The following UBN1 variants were observed in gnomAD, a reference collection of about 807,000 sequenced individuals.
The protein encoded by UBN1 is ubinuclein-1.
UBN1 carries 17 observed loss-of-function variants against 108.5 expected under a neutral mutation model. The observed-to-expected ratio is 0.16, with a 90% CI of 0.11 to 0.24. UBN1 has a LOEUF of 0.24. UBN1 is among the 10% of genes least tolerant of loss of function. The pLI is 1.00. For missense variants in UBN1, 1,595 were observed against 1,394.4 expected, an observed-to-expected ratio of 1.14 and a Z score of -2.29; for synonymous variants, 726 against 564.2, an observed-to-expected ratio of 1.29 and a Z score of -4.07.
Position 4,876,957 on chromosome 16 carries a change from C to T in UBN1, c.3111C>T (p.Ala1037=), listed in dbSNP as rs143113935. The change falls in exon 16 of 18, where the codon GCC becomes GCT. Residue 1037 remains alanine (A), a synonymous_variant. Coordinates refer to ENST00000262376, the MANE Select transcript of UBN1 (RefSeq NM_001079514.3). ...CCAGCAGCCCAAAGCTGTCTGGGGCCATGAGCTCGAACTCCTTGGGAATTA... is the reference window on the plus strand; with the variant it reads ...CCAGCAGCCCAAAGCTGTCTGGGGCTATGAGCTCGAACTCCTTGGGAATTA... ...YKSSSPKLSG[A]MSSNSLGIIT... 2.3e-4 allele frequency: 368 copies of T among 1,614,130 alleles called. 1 individual carries two copies. The highest frequency in any genetic ancestry group is 2.7e-4 in the Non-Finnish European group (314 of 1,180,060).
chr16:4,859,992 T>A (rs779888735), intron 6 of UBN1, 24 bp downstream of exon 6: 1 of 1,613,668 alleles, frequency 6.2e-7, no homozygotes, highest in East Asian at 2.2e-5. Context: ...GCTTCTTTGC[T>A]AGGATAAAGC....
At chr16:4,848,533 G>T (rs1188390453) in intron 1 of UBN1, 1 of 152,222 alleles carries the variant, frequency 6.6e-6, no homozygotes, top group Non-Finnish European at 1.5e-5. Context: ...ATTTCCCCAA[G>T]GCATTGTGGT....
intron 1 of UBN1, among the ~76,000 whole-genome samples, chr16:4,848,752 T>C (rs2086352403): frequency 6.6e-6 from 1 of 152,220 alleles, no homozygotes; most frequent in South Asian, 2.1e-4. Context: ...TAAGTTCCTG[T>C]TTAAAAATTC....
chr16:4,859,381 A>T (rs943051322), intron 5 of UBN1, among the ~76,000 whole-genome samples: 12 of 152,152 alleles, frequency 7.9e-5, no homozygotes, highest in Non-Finnish European at 1.8e-4. Context: ...TCCATGTCAC[A>T]TGACATCCCA....
chr16:4,868,175 G>A (rs763785718), intron 7 of UBN1, among the ~76,000 whole-genome samples: 2 of 152,158 alleles, frequency 1.3e-5, no homozygotes, highest in Non-Finnish European at 2.9e-5. Context: ...GCTGCCTGCC[G>A]TGGTTGCTTC....
Position 4,870,116 on chromosome 16 carries a change from C to T in UBN1, c.1182-96C>T, listed in dbSNP as rs1469629311. On this transcript the variant is annotated intron_variant, in intron 8 of 17. Coordinates refer to ENST00000262376, the MANE Select transcript of UBN1 (RefSeq NM_001079514.3). ...GACCAACAAGACAGGGTTTGACTGC[C>T]GTTGGCTCCTAGCTTTCCTCTCCAC... The T allele has an allele frequency of 2.0e-5, 32 of 1,561,758 alleles. No homozygotes were observed. In the East Asian group the frequency reaches 2.9e-4, roughly 14 times the overall value.
chr16:4,869,862 G>A (rs1214872158), intron 8 of UBN1, among the ~76,000 whole-genome samples: 1 of 152,210 alleles, frequency 6.6e-6, no homozygotes, highest in African/African-American at 2.4e-5. Context: ...CTGCCGGGAA[G>A]TGTCTCCTTT....
At chr16:4,858,806 T>C (rs2086922079) in intron 4 of UBN1, 143 bp downstream of exon 4, 1 of 963,816 alleles carries the variant, frequency 1.0e-6, no homozygotes, top group East Asian at 2.4e-5. Context: ...AGAGACGAAA[T>C]GACATTCTTT....
At chr16:4,879,866 G>T (rs950318442) in intron 17 of UBN1, among the ~76,000 whole-genome samples, 1 of 152,092 alleles carries the variant, frequency 6.6e-6, no homozygotes, top group African/African-American at 2.4e-5. Context: ...AGTGACCACC[G>T]ACCTTCACAG....
In UBN1 at chr16:4,859,182, A is replaced by G. The variant is rs552249468; in HGVS notation, c.567+23A>G. ...AAGGTTAGAATGTGCTTGCTTTTGGATTTCAGAAATGCTTTTTGACGTGAC... is the reference window on the plus strand; with the variant it reads ...AAGGTTAGAATGTGCTTGCTTTTGGGTTTCAGAAATGCTTTTTGACGTGAC... On this transcript the variant is annotated intron_variant, in intron 5 of 17. Transcript: ENST00000262376. 5 of 1,606,514 alleles carry G rather than the reference A, an allele frequency of 3.1e-6. No individual in the cohort carries two copies. The African/African-American group carries it at 5.4e-5, about 17-fold the overall frequency.
intron 2 of UBN1, among the ~76,000 whole-genome samples, chr16:4,855,243 C>T (rs1596477286): frequency 6.6e-6 from 1 of 152,104 alleles, no homozygotes; most frequent in Non-Finnish European, 1.5e-5. Flanking sequence ...AGTGATCAGT[C>T]GGTCTTATTC....
chr16:4,861,172 C>A, intron 7 of UBN1, 70 bp downstream of exon 7: 1 of 1,477,790 alleles, frequency 6.8e-7, no homozygotes. Flanking sequence ...TTCTGCACTG[C>A]GTGAAGCTTG....
At position 4,877,252 on chromosome 16, in the gene UBN1, C is replaced by A; in HGVS notation, c.3266-133C>A. The stretch of plus-strand genomic sequence containing the variant: ...ATCTCCGGGAACTGTGCCAAGCCCC[C>A]ACTGCCCCTTTGGGTGTGGTGCCCA... On this transcript the variant is annotated intron_variant, in intron 16 of 17. Transcript: ENST00000262376. This position sits in a 1 kb window ranked among gnomAD's most constrained non-coding sequence, Gnocchi z 4.3. The A allele has an allele frequency of 3.3e-6, 5 of 1,511,076 alleles. No individual in the cohort carries two copies. In the South Asian group the frequency reaches 6.5e-5, roughly 20 times the overall value. The allele number at this position is 1,511,076 out of a possible 1,614,324, so 93.6% of individuals were successfully genotyped here. A position where few individuals can be genotyped will look rare whatever the true frequency, so the allele number is the denominator to read the frequency against.
chr16:4,855,167 G>A (rs2086744381), intron 2 of UBN1, among the ~76,000 whole-genome samples: 1 of 152,208 alleles, frequency 6.6e-6, no homozygotes. Context: ...TTGGTTCACA[G>A]TTGTCTGAGT....
intron 14 of UBN1, 64 bp downstream of exon 14, chr16:4,873,137 A>C (rs1003632140): frequency 6.2e-7 from 1 of 1,604,036 alleles, no homozygotes; most frequent in Non-Finnish European, 8.5e-7. Flanking sequence ...TGCTCTGGAA[A>C]CAGTCAAGTG....
At chr16:4,866,375 G>A (rs994357714) in intron 7 of UBN1, among the ~76,000 whole-genome samples, 1 of 152,176 alleles carries the variant, frequency 6.6e-6, no homozygotes, top group African/African-American at 2.4e-5. Context: ...TTGGTGTTAA[G>A]CTTTTCTTCC....
In UBN1 at chr16:4,858,142, CT is replaced by C. The variant is rs2086897112; in HGVS notation, c.336+69del. 25 of 1,017,162 alleles carry C rather than the reference CT, an allele frequency of 2.5e-5. 1 individual carries two copies. The highest frequency in any genetic ancestry group is 2.2e-4 in the South Asian group (17 of 77,368). The allele number at this position is 1,017,162 out of a possible 1,614,324, so 63.0% of individuals were successfully genotyped here. On this transcript the variant is annotated intron_variant, in intron 3 of 17. Transcript: ENST00000262376. ...TGGGAGACGTTTCCACACTGTATTC[CT>C]TTAGTGGATCATCATGTAATAAACA...
rs758441273 is a variant in UBN1, at chr16:4,874,602, C to G, written c.2192C>G (p.Ser731Cys). The G allele has an allele frequency of 6.8e-6, 11 of 1,614,260 alleles. No individual in the cohort carries two copies. The highest frequency in any genetic ancestry group is 1.7e-5 in the Admixed American group (1 of 60,028). The change falls in exon 15 of 18, where the codon TCT becomes TGT. Residue 731 changes from serine to cysteine, a missense_variant. This residue lies in a region of UBN1 where 1,398 missense variants were observed against 1,194.7 expected (regional missense o/e 1.17). Transcript: ENST00000262376. ...CCTTCTGCTCCACCACCAGCTAGCT[C>G]TCTGCAGTCACCCCTCAATTTTCTG... ...PSPSAPPPAS[S>C]LQSPLNFLAE...
chr16:4,861,812 G>T (rs925998410), intron 7 of UBN1, among the ~76,000 whole-genome samples: 1 of 152,154 alleles, frequency 6.6e-6, no homozygotes, highest in Non-Finnish European at 1.5e-5. Flanking sequence ...GCCTGGTGGC[G>T]CTCGCCGTAA....
Sources: gnomAD v4.1 joint callset for allele counts (sites outside exome capture counted in the v4.1 genomes callset) on GRCh38, gnomAD v4.1.1 for gene constraint, gnomAD v4.1.1 regional missense constraint, Gnocchi (gnomAD v3.1) non-coding constraint, MANE v1.5 for transcripts, NCBI Gene and HGNC (gene_info 2026-07-23, HGNC 2026-07-21) for gene names.